Variants in PYGO1 observed in about 807,000 individuals in gnomAD.
The protein encoded by PYGO1 is pygopus family PHD finger 1.
Under a neutral mutation model 29.5 loss-of-function variants are expected in PYGO1, and 6 were observed. The observed-to-expected ratio is 0.20, with a 90% CI of 0.11 to 0.40. The LOEUF is 0.40. PYGO1 is among the 10% of genes least tolerant of loss of function. The pLI is 1.00. For missense variants in PYGO1, 515 were observed against 514.9 expected, an observed-to-expected ratio of 1.00 and a Z score of 0.00; for synonymous variants, 186 against 180.5, an observed-to-expected ratio of 1.03 and a Z score of -0.24.
chr15:55,585,630 A>G (rs1337310746), intron 1 of PYGO1, among the ~76,000 whole-genome samples: 1 of 152,204 alleles, frequency 6.6e-6, no homozygotes, highest in African/African-American at 2.4e-5. Flanking sequence ...TTGAGCTGAC[A>G]CCGGAGCCAA....
chr15:55,545,388 C>A lies in PYGO1; in HGVS notation c.*635G>T, dbSNP rs541944520. On this transcript the variant is annotated 3_prime_UTR_variant, in exon 3 of 3. Coordinates refer to ENST00000563719, the MANE Select transcript of PYGO1 (RefSeq NM_001367806.1). ...CTAATATTAGCAATTTCATGTGGTA[C>A]CATCCACAAGTTAATCAACAATACT... 5.3e-5 allele frequency: 8 copies of A among 152,206 alleles called. No individual in the cohort carries two copies. The South Asian group carries it at 1.7e-3, about 32-fold the overall frequency. 9.4% of individuals were successfully genotyped at this position (152,206 alleles called of 1,614,324 possible). A position where few individuals can be genotyped will look rare whatever the true frequency, so the allele number is the denominator to read the frequency against.
intron 1 of PYGO1, among the ~76,000 whole-genome samples, chr15:55,581,791 T>C (rs1297878124): frequency 4.1e-5 from 6 of 145,092 alleles, no homozygotes; most frequent in Non-Finnish European, 7.5e-5. Flanking sequence ...TGGAAATGGA[T>C]TAAGAGGGAC....
At chr15:55,561,370 G>C (rs780196954) in intron 1 of PYGO1, among the ~76,000 whole-genome samples, 6 of 152,194 alleles carry the variant, frequency 3.9e-5, no homozygotes, top group Non-Finnish European at 7.3e-5. Flanking sequence ...AATTTATAAA[G>C]GAAACAGGTT....
chr15:55,564,345 T>C lies in PYGO1; in HGVS notation c.50-15350A>G, dbSNP rs538833961. Among the ~76,000 whole-genome samples the C allele has an allele frequency of 2.6e-5, 4 of 152,292 alleles. No individual in the cohort carries two copies. The East Asian group carries it at 7.7e-4, about 29-fold the overall frequency. ...GCCACATGTTGCATGATTCCATTTA[T>C]AGGAAGTGTCCAGAATGGGAAAATC... On this transcript the variant is annotated intron_variant, in intron 1 of 2. Transcript: ENST00000563719.
At chr15:55,550,688 C>T (rs1414605964) in intron 1 of PYGO1, among the ~76,000 whole-genome samples, 2 of 152,114 alleles carry the variant, frequency 1.3e-5, no homozygotes, top group African/African-American at 4.8e-5. Context: ...TTTGGTTTTT[C>T]AACACCTGTT....
At chr15:55,567,310 A>C (rs1372582081) in intron 1 of PYGO1, among the ~76,000 whole-genome samples, 2 of 140,474 alleles carry the variant, frequency 1.4e-5, no homozygotes, top group African/African-American at 5.3e-5. Flanking sequence ...TGGGCTCAAG[A>C]GATTCTCCTA....
chr15:55,558,064 G>A (rs4774787), intron 1 of PYGO1, among the ~76,000 whole-genome samples: 128,846 of 152,100 alleles, frequency 0.85, 55,122 homozygotes, highest in Admixed American at 0.91. Flanking sequence ...AATTGTCCCT[G>A]TTTGCAGATG....
At chr15:55,547,539 A>G (rs1189339973) in intron 2 of PYGO1, among the ~76,000 whole-genome samples, 1 of 152,188 alleles carries the variant, frequency 6.6e-6, no homozygotes, top group Non-Finnish European at 1.5e-5. Flanking sequence ...CTCATACACC[A>G]AACAGTCATA....
intron 1 of PYGO1, among the ~76,000 whole-genome samples, chr15:55,554,249 G>C (rs1367193233): frequency 6.6e-6 from 1 of 151,992 alleles, no homozygotes; most frequent in Non-Finnish European, 1.5e-5. Context: ...TGGATCATGA[G>C]GTCAGGAGAT....
At position 55,548,926 on chromosome 15, in the gene PYGO1, C is replaced by T. The variant is rs779574413; in HGVS notation, c.119G>A (p.Arg40His). The T allele has an allele frequency of 8.1e-6, 13 of 1,612,368 alleles. No homozygotes were observed. The highest frequency in any genetic ancestry group is 1.7e-5 in the Admixed American group (1 of 59,872). ...TCAGTTTACCTGTGTATTTGCCTTG[C>T]GCTTTTTCTTATCTGGGCTTCCTAG... ...VQLGSPDKKK[R>H]KANTQGPSFP... Residue 40 changes from arginine to histidine, a missense_variant, in exon 2 of 3, where the codon CGC becomes CAC. Transcript: ENST00000563719.
At chr15:55,585,780 T>C (rs1255295175) in intron 1 of PYGO1, among the ~76,000 whole-genome samples, 3 of 152,224 alleles carry the variant, frequency 2.0e-5, no homozygotes, top group Admixed American at 6.5e-5. Context: ...TTCAAAGGTA[T>C]AAACTTGATA....
chr15:55,554,220 T>G (rs62020043), intron 1 of PYGO1, among the ~76,000 whole-genome samples: 8,309 of 151,988 alleles, frequency 0.055, 283 homozygotes, highest in Middle Eastern at 0.068. Flanking sequence ...ATCCCAGCAC[T>G]TTGGGAGGCC....
intron 1 of PYGO1, among the ~76,000 whole-genome samples, chr15:55,577,681 G>A (rs1056791251): frequency 6.6e-6 from 1 of 151,174 alleles, no homozygotes; most frequent in Non-Finnish European, 1.5e-5. Flanking sequence ...TCTAATTCCT[G>A]AACATTATCA....
At position 55,544,229 on chromosome 15, in the gene PYGO1, T is replaced by C. The variant is rs1427534305; in HGVS notation, c.*1794A>G. 2 of 152,220 alleles carry C rather than the reference T, an allele frequency of 1.3e-5. No homozygotes were observed. Among genetic ancestry groups the C allele is most frequent in the African/African-American group, 4.8e-5 (2 of 41,464 alleles). The allele number at this position is 152,220 out of a possible 1,614,324, so 9.4% of individuals were successfully genotyped here. A position where few individuals can be genotyped will look rare whatever the true frequency, so the allele number is the denominator to read the frequency against. On this transcript the variant is annotated 3_prime_UTR_variant, in exon 3 of 3. Coordinates refer to ENST00000563719, the MANE Select transcript of PYGO1 (RefSeq NM_001367806.1). ...ACAATGTATTTAAAAAAATAAGTTT[T>C]ATTCAATCAAAATATGCATCAGGAG... is the stretch of plus-strand genomic sequence containing the variant.
At chr15:55,569,238 T>C (rs1185538544) in intron 1 of PYGO1, among the ~76,000 whole-genome samples, 1 of 152,198 alleles carries the variant, frequency 6.6e-6, no homozygotes. Context: ...AGGGTGTTTG[T>C]TTGTTTCATT....
chr15:55,552,378 A>AAAAAAAAAAG (rs2058883137), intron 1 of PYGO1, among the ~76,000 whole-genome samples: 1 of 151,352 alleles, frequency 6.6e-6, no homozygotes. Flanking sequence ...AAAAAAAAAA[A>AAAAAAAAAAG]AAAAAGGTAG....
rs1158513206 is a variant in PYGO1, at chr15:55,544,241, A to G, written c.*1782T>C. On this transcript the variant is annotated 3_prime_UTR_variant, in exon 3 of 3. Transcript: ENST00000563719. The stretch of plus-strand genomic sequence containing the variant: ...AAAAAATAAGTTTTATTCAATCAAA[A>G]TATGCATCAGGAGCATGAATAGTTT... The G allele has an allele frequency of 6.6e-6, 1 of 152,218 alleles. No individual in the cohort carries two copies. The highest frequency in any genetic ancestry group is 2.4e-5 in the African/African-American group (1 of 41,456). The allele number at this position is 152,218 out of a possible 1,614,324, so 9.4% of individuals were successfully genotyped here.
intron 1 of PYGO1, among the ~76,000 whole-genome samples, chr15:55,553,325 T>C (rs1305987420): frequency 3.3e-5 from 5 of 151,614 alleles, no homozygotes. Context: ...CTGAAGAATC[T>C]AGGCAGTCTG....
At chr15:55,562,096 A>G (rs1392620861) in intron 1 of PYGO1, among the ~76,000 whole-genome samples, 1 of 152,204 alleles carries the variant, frequency 6.6e-6, no homozygotes, top group South Asian at 2.1e-4. Context: ...AAAAAGCTCA[A>G]CATCACTGAT....
Sources: allele counts gnomAD v4.1 joint callset (sites outside exome capture counted in the v4.1 genomes callset), GRCh38; gene constraint gnomAD v4.1.1; transcripts MANE v1.5; gene names NCBI Gene and HGNC (gene_info 2026-07-23, HGNC 2026-07-21).